DPPA2: variants seen among roughly 807,000 people sequenced by gnomAD.
The protein encoded by DPPA2 is developmental pluripotency associated 2, also known as developmental pluripotency-associated protein 2.
Under a neutral mutation model 36.2 loss-of-function variants are expected in DPPA2, and 26 were observed. The ratio of observed to expected loss-of-function variants is 0.72; its 90% CI spans 0.53 to 1.00. The LOEUF (loss-of-function observed/expected upper bound fraction) is 1.00. Among genes scored for constraint, DPPA2 ranks in the 50% least tolerant of loss-of-function variants. The probability of loss-of-function intolerance (pLI) is 0.00; values close to 1 mark genes in which losing one functional copy is unlikely to be tolerated. For synonymous variants in DPPA2, 113 were observed against 123.2 expected (o/e 0.92, Z 0.55); for missense variants, 361 against 365.1 (o/e 0.99, Z 0.09).
rs1435525818 is a variant in DPPA2 at position 109,308,258 on chromosome 3, C to T, written c.432G>A (p.Gln144=). The change falls in exon 6 of 9, where the codon CAG becomes CAA. Residue 144 remains glutamine, a synonymous_variant. Coordinates refer to ENST00000478945, the MANE Select transcript of DPPA2 (RefSeq NM_138815.4). ...MPEMSQETRL[Q]RCSRKRKAVT... The stretch of plus-strand genomic sequence containing the variant: ...CTGCCTTGCGTTTCCTCGAACATCG[C>T]TGTAATCTGGTCTCTTGTGACATTT... 2.5e-6 allele frequency: 4 copies of T among 1,614,098 alleles called. No individual in the cohort carries two copies. In the African/African-American group the frequency reaches 4.0e-5, roughly 16 times the overall value.
chr3:109,299,984 G>A (rs1707430248), intron 8 of DPPA2, among the ~76,000 whole-genome samples: 1 of 152,036 alleles, frequency 6.6e-6, no homozygotes, highest in South Asian at 2.1e-4. Context: ...GAAAATGGAG[G>A]GGGTGTGAAG....
intron 8 of DPPA2, among the ~76,000 whole-genome samples, chr3:109,296,905 G>A (rs1009782528): frequency 6.6e-6 from 1 of 151,894 alleles, no homozygotes; most frequent in East Asian, 1.9e-4. Flanking sequence ...TGGGCAACAT[G>A]GCAAAACCCC....
chr3:109,309,472 G>C (rs2107316905), intron 3 of DPPA2, 142 bp from the exon 4 acceptor site: 1 of 793,878 alleles, frequency 1.3e-6, no homozygotes, highest in East Asian at 2.9e-5. Flanking sequence ...CAGATCACGA[G>C]GTCAGGAGAT....
In DPPA2 at chr3:109,308,576, G is replaced by A. The variant is rs993560283; in HGVS notation, c.397-283C>T. On this transcript the variant is annotated intron_variant, in intron 5 of 8. Transcript: ENST00000478945. ...GGGGTTTCTCCATGTTGGTCAGGCC[G>A]GTCTCGAACTCCTGACCTCAGGTAA... Among the ~76,000 whole-genome samples the A allele has an allele frequency of 7.0e-4, 106 of 152,230 alleles. 1 individual carries two copies. Among genetic ancestry groups the A allele is most frequent in the African/African-American group, 2.4e-3 (101 of 41,554 alleles).
chr3:109,304,874 C>A (rs377560771), intron 6 of DPPA2, among the ~76,000 whole-genome samples: 1 of 152,120 alleles, frequency 6.6e-6, no homozygotes, highest in South Asian at 2.1e-4. Context: ...TGGCTAGGCG[C>A]GGTGGCTCAC....
chr3:109,305,435 A>G (rs941590618), intron 6 of DPPA2, among the ~76,000 whole-genome samples: 7 of 152,126 alleles, frequency 4.6e-5, no homozygotes, highest in African/African-American at 1.7e-4. Flanking sequence ...TAACCACTAC[A>G]TTGTACTGCC....
At chr3:109,307,453 AT>A (rs578066773) in intron 6 of DPPA2, among the ~76,000 whole-genome samples, 4,075 of 151,842 alleles carry the variant, frequency 0.027, 77 homozygotes, top group South Asian at 0.042. Context: ...AATACAAAAA[AT>A]TAGCTGGGCG....
At chr3:109,294,275 CA>C (rs1159683625) in intron 8 of DPPA2, among the ~76,000 whole-genome samples, 1 of 152,148 alleles carries the variant, frequency 6.6e-6, no homozygotes, top group African/African-American at 2.4e-5. Flanking sequence ...GTCTTCAGGC[CA>C]GTCTTTAGGC....
At chr3:109,298,189 A>G (rs974515661) in intron 8 of DPPA2, among the ~76,000 whole-genome samples, 7 of 152,212 alleles carry the variant, frequency 4.6e-5, no homozygotes, top group African/African-American at 1.4e-4. Context: ...ACTATTCTGT[A>G]TGACACTATG....
chr3:109,308,806 G>A (rs2107315792), intron 5 of DPPA2, among the ~76,000 whole-genome samples: 1 of 152,200 alleles, frequency 6.6e-6, no homozygotes, highest in East Asian at 1.9e-4. Context: ...GGTTGCAACT[G>A]ACATCCAGCT....
rs544059372 is a variant in DPPA2 at position 109,310,609 on chromosome 3, A to C, written c.182-1279T>G. ...CAACCTCCGCCTCCTAGGTTCAAGC[A>C]ATTCTCCTGCCTCAGCCTCCCGAGT... On this transcript the variant is annotated intron_variant, in intron 3 of 8. Coordinates refer to ENST00000478945, the MANE Select transcript of DPPA2 (RefSeq NM_138815.4). 6.2e-4 allele frequency among the ~76,000 whole-genome samples: 92 copies of C among 147,916 alleles called. 2 individuals carry two copies. In the East Asian group the frequency reaches 0.017, roughly 28 times the overall value.
intron 8 of DPPA2, 129 bp from the exon 9 acceptor site, chr3:109,294,133 AG>A (rs1707311256): frequency 6.6e-6 from 1 of 152,226 alleles, no homozygotes; most frequent in Admixed American, 6.5e-5. Flanking sequence ...AACTTTTAAT[AG>A]AGAAAGAATG....
chr3:109,297,592 A>T (rs2107300388), intron 8 of DPPA2, among the ~76,000 whole-genome samples: 1 of 152,224 alleles, frequency 6.6e-6, no homozygotes, highest in Middle Eastern at 3.4e-3. Context: ...AATCCAAACA[A>T]TACGAAATAC....
chr3:109,295,470 T>G (rs1707336732), intron 8 of DPPA2: 1 of 151,766 alleles, frequency 6.6e-6, no homozygotes, highest in Non-Finnish European at 1.5e-5. Flanking sequence ...GGTCTCAAAC[T>G]CCTGACCTCA....
chr3:109,308,386 G>A (rs1281414895), intron 5 of DPPA2, 93 bp from the exon 6 acceptor site: 33 of 1,432,216 alleles, frequency 2.3e-5, no homozygotes, highest in Non-Finnish European at 2.9e-5. Context: ...TTTTGAGACG[G>A]AGTCTCGCTC....
chr3:109,310,529 G>A (rs1707686827), intron 3 of DPPA2, among the ~76,000 whole-genome samples: 1 of 150,352 alleles, frequency 6.7e-6, no homozygotes, highest in African/African-American at 2.4e-5. Context: ...TTTTTGAGAC[G>A]GAGTTTCGCT....
chr3:109,314,978 A>G (rs1322562076), intron 1 of DPPA2, among the ~76,000 whole-genome samples: 1 of 152,186 alleles, frequency 6.6e-6, no homozygotes, highest in Non-Finnish European at 1.5e-5. Flanking sequence ...TGGTGGGAGG[A>G]CTGCTTGAGC....
intron 8 of DPPA2, among the ~76,000 whole-genome samples, chr3:109,296,885 G>A (rs143496062): frequency 2.6e-5 from 4 of 152,064 alleles, no homozygotes; most frequent in East Asian, 1.9e-4. Context: ...CCAGGAGTTC[G>A]AGACCAGCCT....
intron 1 of DPPA2, among the ~76,000 whole-genome samples, 162 bp downstream of exon 1, chr3:109,316,122 G>T (rs779300189): frequency 6.6e-6 from 1 of 151,758 alleles, no homozygotes; most frequent in Non-Finnish European, 1.5e-5. Context: ...GCGGTGGCGC[G>T]ATCATAGCTC....
Sources: gnomAD v4.1 joint callset for allele counts (sites outside exome capture counted in the v4.1 genomes callset) on GRCh38, gnomAD v4.1.1 for gene constraint, MANE v1.5 for transcripts, NCBI Gene and HGNC (gene_info 2026-07-23, HGNC 2026-07-21) for gene names.